Variants in TENM4 observed in about 807,000 individuals in gnomAD.
The protein encoded by TENM4 is teneurin-4.
TENM4 carries 82 observed loss-of-function variants against 243.3 expected under a neutral mutation model. That is an observed-to-expected ratio of 0.34 (90% CI 0.28 to 0.40). The LOEUF is 0.40. TENM4 is among the 10% of genes least tolerant of loss of function. The pLI, the probability that TENM4 is intolerant of heterozygous loss-of-function variation, is 1.00. For synonymous variants in TENM4, 1,412 were observed against 1,456.3 expected (o/e 0.97, Z 0.69); for missense variants, 3,138 against 3,673.3 (o/e 0.85, Z 3.77).
At chr11:79,302,511 A>C (rs1009326310) in intron 1 of TENM4, among the ~76,000 whole-genome samples, 12 of 152,226 alleles carry the variant, frequency 7.9e-5, no homozygotes, top group Non-Finnish European at 1.0e-4. Flanking sequence ...AATTATATCT[A>C]ATTCACTGCC....
chr11:78,786,508 T>A (rs937472227), intron 16 of TENM4, among the ~76,000 whole-genome samples: 6 of 152,226 alleles, frequency 3.9e-5, no homozygotes, highest in African/African-American at 1.2e-4. Flanking sequence ...ATTATCCCCA[T>A]CTTACGAGTG....
chr11:78,812,441 C>T, intron 13 of TENM4, 125 bp from the exon 14 acceptor site: 1 of 1,063,374 alleles, frequency 9.4e-7, no homozygotes, highest in Non-Finnish European at 1.4e-6. Context: ...CACAAACACC[C>T]ATGTGTGCCC....
At chr11:78,829,192 G>A (rs945230843) in intron 12 of TENM4, among the ~76,000 whole-genome samples, 6 of 152,194 alleles carry the variant, frequency 3.9e-5, no homozygotes, top group African/African-American at 1.4e-4. Flanking sequence ...GGCCAGCAGG[G>A]CCCTATCTCC....
At chr11:78,842,241 A>C (rs967330932) in intron 12 of TENM4, among the ~76,000 whole-genome samples, 1 of 152,180 alleles carries the variant, frequency 6.6e-6, no homozygotes, top group African/African-American at 2.4e-5. Flanking sequence ...CCATCCATCT[A>C]TTCTCCAAGG....
intron 3 of TENM4, among the ~76,000 whole-genome samples, chr11:79,170,300 G>C (rs1863011783): frequency 6.6e-6 from 1 of 152,178 alleles, no homozygotes; most frequent in Non-Finnish European, 1.5e-5. Flanking sequence ...TGGGCCAGCA[G>C]CTGCCTATGA....
intron 4 of TENM4, among the ~76,000 whole-genome samples, chr11:79,072,009 T>C (rs1211235709): frequency 6.6e-6 from 1 of 152,044 alleles, no homozygotes; most frequent in Non-Finnish European, 1.5e-5. Flanking sequence ...GAAATCAAAT[T>C]ATATTACTGA....
chr11:78,816,511 C>A (rs1857607776), intron 12 of TENM4, among the ~76,000 whole-genome samples: 1 of 152,182 alleles, frequency 6.6e-6, no homozygotes, highest in East Asian at 1.9e-4. Context: ...CTGAAGGCAG[C>A]AAAGGATCTA....
chr11:79,169,260 A>G (rs1230485438), intron 3 of TENM4, among the ~76,000 whole-genome samples: 4 of 152,228 alleles, frequency 2.6e-5, no homozygotes, highest in Admixed American at 1.3e-4. Context: ...AGTTTGTTAC[A>G]CAGCAATAGA....
chr11:78,714,835 C>T (rs1476493086), intron 25 of TENM4, among the ~76,000 whole-genome samples: 1 of 152,184 alleles, frequency 6.6e-6, no homozygotes, highest in Admixed American at 6.5e-5. Flanking sequence ...GCTCCCTCCT[C>T]TGCAAACCTT....
At chr11:79,417,506 G>C (rs1858842763) in intron 1 of TENM4, among the ~76,000 whole-genome samples, 1 of 152,112 alleles carries the variant, frequency 6.6e-6, no homozygotes, top group African/African-American at 2.4e-5. Flanking sequence ...ATAGCAAAGA[G>C]AGCTGTACCT....
Position 78,672,192 on chromosome 11 carries a change from G to A in TENM4, c.5634C>T (p.Ser1878=). The A allele has an allele frequency of 1.2e-6, 2 of 1,613,878 alleles. No individual in the cohort carries two copies. Among genetic ancestry groups the A allele is most frequent in the Non-Finnish European group, 1.7e-6 (2 of 1,179,848 alleles). Residue 1878 remains serine, a synonymous_variant, in exon 31 of 34, where the codon AGC becomes AGT. Coordinates refer to ENST00000278550, the MANE Select transcript of TENM4 (RefSeq NM_001098816.3). Reference sequence around the variant, plus strand: ...ATGTCACGTTGACACCATTCAGCCTGCTGCTGGGTGACCAGAGGCTGGGCC... The same window carrying A: ...ATGTCACGTTGACACCATTCAGCCTACTGCTGGGTGACCAGAGGCTGGGCC... The part of the protein sequence containing the change: ...AGRPSLWSPS[S]RLNGVNVTYS...
intron 32 of TENM4, among the ~76,000 whole-genome samples, chr11:78,665,301 T>A (rs565850559): frequency 6.6e-6 from 1 of 151,810 alleles, no homozygotes; most frequent in East Asian, 1.9e-4. Flanking sequence ...TTTGACAGGG[T>A]CTCACTGTCA....
chr11:79,366,418 G>C (rs1321577879), intron 1 of TENM4, among the ~76,000 whole-genome samples: 1 of 152,214 alleles, frequency 6.6e-6, no homozygotes, highest in Non-Finnish European at 1.5e-5. Context: ...CTACTATACA[G>C]TTTGTAGGAG....
chr11:79,055,712 A>C (rs1280263909), intron 6 of TENM4, among the ~76,000 whole-genome samples: 3 of 152,170 alleles, frequency 2.0e-5, no homozygotes, highest in Non-Finnish European at 4.4e-5. Context: ...CAGATGAAGA[A>C]ACTGAGTTTC....
intron 18 of TENM4, among the ~76,000 whole-genome samples, chr11:78,760,868 T>C (rs1407182691): frequency 6.6e-6 from 1 of 152,218 alleles, no homozygotes; most frequent in Non-Finnish European, 1.5e-5. Flanking sequence ...TCACTTATTT[T>C]CCCATCATTT....
At chr11:79,072,891 A>G (rs1860453545) in intron 4 of TENM4, among the ~76,000 whole-genome samples, 1 of 152,192 alleles carries the variant, frequency 6.6e-6, no homozygotes, top group Non-Finnish European at 1.5e-5. Context: ...TAATATTAAT[A>G]ATGGTTTGAA....
intron 3 of TENM4, among the ~76,000 whole-genome samples, chr11:79,154,278 AAG>A (rs1371741668): frequency 1.3e-5 from 2 of 152,062 alleles, no homozygotes; most frequent in Non-Finnish European, 2.9e-5. Flanking sequence ...ATCACATGGC[AAG>A]AGAGGGAGTG....
At chr11:79,230,587 A>T (rs1448951185) in intron 2 of TENM4, among the ~76,000 whole-genome samples, 2 of 152,232 alleles carry the variant, frequency 1.3e-5, no homozygotes, top group East Asian at 3.8e-4. Context: ...TGGAAATAAC[A>T]TTAATACTTA....
intron 1 of TENM4, among the ~76,000 whole-genome samples, chr11:79,314,146 G>T (rs1856766562): frequency 6.6e-6 from 1 of 152,140 alleles, no homozygotes; most frequent in East Asian, 1.9e-4. Context: ...GTGTGGCCTT[G>T]CAAGAGCTAC....
Sources: allele counts gnomAD v4.1 joint callset (sites outside exome capture counted in the v4.1 genomes callset), GRCh38; gene constraint gnomAD v4.1.1; transcripts MANE v1.5; gene names NCBI Gene and HGNC (gene_info 2026-07-23, HGNC 2026-07-21).